The following SHROOM3 variants were observed in gnomAD, a reference collection of about 807,000 sequenced individuals.
The protein encoded by SHROOM3 is protein Shroom3.
In SHROOM3, 47 loss-of-function variants were observed where a neutral mutation model predicts 138.6. The observed-to-expected ratio is 0.34, with a 90% CI of 0.27 to 0.43. The LOEUF is 0.43. SHROOM3 is among the 20% of genes least tolerant of loss of function. The probability of loss-of-function intolerance (pLI) is 1.00; values close to 1 mark genes in which losing one functional copy is unlikely to be tolerated. For missense variants in SHROOM3, 2,491 were observed against 2,596.5 expected (o/e 0.96, Z 0.88); for synonymous variants, 1,062 against 1,063.3 (o/e 1.00, Z 0.02).
intron 1 of SHROOM3, among the ~76,000 whole-genome samples, chr4:76,521,741 T>G (rs1221052535): frequency 6.6e-6 from 1 of 152,202 alleles, no homozygotes; most frequent in Non-Finnish European, 1.5e-5. Flanking sequence ...TCAGTATAGA[T>G]CACTGTACTT....
intron 1 of SHROOM3, among the ~76,000 whole-genome samples, chr4:76,538,351 A>G (rs1052849793): frequency 1.3e-5 from 2 of 152,246 alleles, no homozygotes; most frequent in Non-Finnish European, 2.9e-5. Flanking sequence ...AACAAGAGCT[A>G]GAGTCTGACC....
Position 76,779,356 on chromosome 4 carries a change from C to G in SHROOM3, c.*179C>G. On this transcript the variant is annotated 3_prime_UTR_variant, in exon 11 of 11. Transcript: ENST00000296043. ...TTCCTTCTTGCCCTTCCTGATTGATCTTCTGAGAGCTCGAATGCTGCTGGA... is the reference window on the plus strand; with the variant it reads ...TTCCTTCTTGCCCTTCCTGATTGATGTTCTGAGAGCTCGAATGCTGCTGGA... 1 of 721,288 alleles carries G rather than the reference C, an allele frequency of 1.4e-6. No homozygotes were observed. Among genetic ancestry groups the G allele is most frequent in the East Asian group, 2.8e-5 (1 of 36,072 alleles). The allele number at this position is 721,288 out of a possible 1,614,324, so 44.7% of individuals were successfully genotyped here.
At chr4:76,632,552 A>G (rs569851679) in intron 2 of SHROOM3, among the ~76,000 whole-genome samples, 3 of 152,294 alleles carry the variant, frequency 2.0e-5, no homozygotes, top group Admixed American at 6.5e-5. Flanking sequence ...TGACAGAGCA[A>G]TTACTGGGGA....
At chr4:76,641,284 T>C (rs956408473) in intron 2 of SHROOM3, among the ~76,000 whole-genome samples, 4 of 152,142 alleles carry the variant, frequency 2.6e-5, no homozygotes, top group African/African-American at 9.7e-5. Flanking sequence ...GATAAACACA[T>C]ATTGTTCATG....
intron 5 of SHROOM3, among the ~76,000 whole-genome samples, chr4:76,747,690 A>G (rs1338877156): frequency 6.6e-6 from 1 of 152,214 alleles, no homozygotes; most frequent in Admixed American, 6.5e-5. Context: ...ACATAGGGAA[A>G]AATGGTGGGA....
At chr4:76,612,711 G>C (rs1417812140) in intron 2 of SHROOM3, among the ~76,000 whole-genome samples, 1 of 152,168 alleles carries the variant, frequency 6.6e-6, no homozygotes, top group Non-Finnish European at 1.5e-5. Context: ...CACTGAAGTA[G>C]GAGGATCCAT....
At chr4:76,600,172 A>G (rs899976169) in intron 2 of SHROOM3, among the ~76,000 whole-genome samples, 1 of 149,948 alleles carries the variant, frequency 6.7e-6, no homozygotes, top group African/African-American at 2.5e-5. Context: ...AACAAACAAA[A>G]ACCCAAAAAA....
intron 2 of SHROOM3, among the ~76,000 whole-genome samples, chr4:76,622,137 T>A (rs1735020648): frequency 6.6e-6 from 1 of 152,068 alleles, no homozygotes; most frequent in Admixed American, 6.6e-5. Flanking sequence ...ATTCTTTATA[T>A]CCCATTTAGT....
intron 3 of SHROOM3, among the ~76,000 whole-genome samples, chr4:76,724,546 T>G (rs1577997309): frequency 6.6e-6 from 1 of 152,330 alleles, no homozygotes; most frequent in Non-Finnish European, 1.5e-5. Flanking sequence ...AGTATAAAAT[T>G]TGAAAAGTTA....
chr4:76,768,816 G>A (rs531609532), intron 9 of SHROOM3, among the ~76,000 whole-genome samples: 2 of 152,108 alleles, frequency 1.3e-5, no homozygotes, highest in East Asian at 3.9e-4. Flanking sequence ...GCCCAGCCTG[G>A]ATGTGAATTT....
chr4:76,728,863 T>TCAATACCTCACTGGGGAGCTCGGGG (rs71659343), intron 3 of SHROOM3, among the ~76,000 whole-genome samples: 2 of 152,056 alleles, frequency 1.3e-5, no homozygotes, highest in South Asian at 2.1e-4. Context: ...AATTATTGAC[T>TCAATACCTCACTGGGGAGCTCGGGG]CAATACCTCA....
At chr4:76,598,024 G>A (rs1046170465) in intron 2 of SHROOM3, among the ~76,000 whole-genome samples, 6 of 111,508 alleles carry the variant, frequency 5.4e-5, no homozygotes, top group African/African-American at 2.0e-4. Flanking sequence ...AAAAATCTAT[G>A]ACTTTTTTTT....
intron 2 of SHROOM3, among the ~76,000 whole-genome samples, chr4:76,571,873 G>C (rs1733838850): frequency 6.6e-6 from 1 of 152,164 alleles, no homozygotes. Flanking sequence ...AGATCTAGAA[G>C]TCTCTGTGTC....
intron 2 of SHROOM3, among the ~76,000 whole-genome samples, chr4:76,590,335 C>G (rs537372820): frequency 6.6e-6 from 1 of 152,066 alleles, no homozygotes; most frequent in Non-Finnish European, 1.5e-5. Context: ...AGGCCAGTTG[C>G]GGGTGAGCCG....
At chr4:76,627,004 G>A (rs1735164169) in intron 2 of SHROOM3, among the ~76,000 whole-genome samples, 1 of 152,170 alleles carries the variant, frequency 6.6e-6, no homozygotes, top group Non-Finnish European at 1.5e-5. Flanking sequence ...AAACTGTTGG[G>A]AGTCTTCCTA....
chr4:76,499,523 A>C (rs998951907), intron 1 of SHROOM3, among the ~76,000 whole-genome samples: 2 of 152,234 alleles, frequency 1.3e-5, no homozygotes, highest in Non-Finnish European at 2.9e-5. Context: ...AATATAATTC[A>C]GGGAAACAAA....
chr4:76,484,575 A>G (rs1274402314), intron 1 of SHROOM3, among the ~76,000 whole-genome samples: 1 of 91,018 alleles, frequency 1.1e-5, no homozygotes, highest in East Asian at 3.1e-4. Context: ...TTACTCTAAA[A>G]CAAACAAACA....
At chr4:76,733,035 G>A (rs926433161) in intron 4 of SHROOM3, among the ~76,000 whole-genome samples, 1 of 152,118 alleles carries the variant, frequency 6.6e-6, no homozygotes, top group Non-Finnish European at 1.5e-5. Flanking sequence ...AAATGCAGGT[G>A]GGTATGTATT....
chr4:76,489,361 G>A (rs980828376), intron 1 of SHROOM3, among the ~76,000 whole-genome samples: 2 of 152,184 alleles, frequency 1.3e-5, no homozygotes, highest in Non-Finnish European at 2.9e-5. Context: ...TAAAAGTTAA[G>A]TCACAAGACC....
Sources: gnomAD v4.1 joint callset for allele counts (sites outside exome capture counted in the v4.1 genomes callset) on GRCh38, gnomAD v4.1.1 for gene constraint, MANE v1.5 for transcripts, NCBI Gene and HGNC (gene_info 2026-07-23, HGNC 2026-07-21) for gene names.